The following HEPN1 variants were observed in gnomAD, a reference collection of about 807,000 sequenced individuals.
The protein encoded by HEPN1 is protein HEPN1.
For synonymous variants in HEPN1, 46 were observed against 41.2 expected (o/e 1.12, Z -0.45); for missense variants, 97 against 103.3 (o/e 0.94, Z 0.26).
chr11:124,919,529 C>T (rs1409893878), exon 1 of HEPN1: 1 of 583,502 alleles, frequency 1.7e-6, no homozygotes, highest in Non-Finnish European at 3.0e-6. Context: ...GCCTCTTCCA[C>T]CTTCTTGAGA....
exon 1 of HEPN1, chr11:124,919,404 G>A: frequency 7.5e-6 from 2 of 268,376 alleles, no homozygotes; most frequent in Non-Finnish European, 1.4e-5. Context: ...CTTAAGCCTG[G>A]CAAGCTGGCC....
chr11:124,919,835 T>C, exon 1 of HEPN1: 1 of 1,614,148 alleles, frequency 6.2e-7, no homozygotes, highest in African/African-American at 1.3e-5. Flanking sequence ...GCAAGGACCC[T>C]TGGAGGCATT....
chr11:124,920,144 C>T, exon 1 of HEPN1: 7 of 1,083,872 alleles, frequency 6.5e-6, no homozygotes, highest in South Asian at 4.7e-5. Context: ...GCCTCCTCCT[C>T]CCCCCACCAT....
chr11:124,919,784 G>C, exon 1 of HEPN1: 1 of 1,614,148 alleles, frequency 6.2e-7, no homozygotes. Flanking sequence ...TGCTCCATGG[G>C]TTGATGGCGA....
chr11:124,920,262 T>C (rs1947108909), exon 1 of HEPN1: 1 of 954,234 alleles, frequency 1.0e-6, no homozygotes, highest in Non-Finnish European at 1.6e-6. Context: ...AGGAGGAATA[T>C]ATGAGTTTGA....
chr11:124,920,498 T>C, exon 1 of HEPN1: 1 of 1,499,042 alleles, frequency 6.7e-7, no homozygotes, highest in Non-Finnish European at 9.0e-7. Flanking sequence ...AGGAATGTAC[T>C]CGTACCCTTC....
chr11:124,920,296 G>T, exon 1 of HEPN1: 1 of 1,155,170 alleles, frequency 8.7e-7, no homozygotes, highest in Non-Finnish European at 1.2e-6. Context: ...TTCCTCATTT[G>T]GTCTAGTTTT....
At chr11:124,919,800 A>T (rs1947098970) in exon 1 of HEPN1, 2 of 1,614,040 alleles carry the variant, frequency 1.2e-6, no homozygotes, top group Non-Finnish European at 1.7e-6. Context: ...GGCGAATCAG[A>T]GCTGGAGTTT....
chr11:124,919,760 T>C (rs375152348), exon 1 of HEPN1: 4 of 1,613,774 alleles, frequency 2.5e-6, no homozygotes, highest in South Asian at 1.1e-5. Context: ...GATGGGTAAC[T>C]GGGGCCTTGG....
chr11:124,920,296 G>C (rs1008819052), exon 1 of HEPN1: 22 of 1,155,060 alleles, frequency 1.9e-5, no homozygotes, highest in Middle Eastern at 3.9e-4. Flanking sequence ...TTCCTCATTT[G>C]GTCTAGTTTT....
exon 1 of HEPN1, chr11:124,920,310 G>T: frequency 1.5e-6 from 2 of 1,331,850 alleles, no homozygotes; most frequent in Non-Finnish European, 2.1e-6. Context: ...TAGTTTTCGG[G>T]CCAGGGGAGT....
chr11:124,919,506 T>G, exon 1 of HEPN1: 1 of 556,622 alleles, frequency 1.8e-6, no homozygotes, highest in South Asian at 2.3e-5. Flanking sequence ...GTACTCCTTA[T>G]CCAAGTCCTG....
At chr11:124,920,526 T>C in exon 1 of HEPN1, 1 of 1,435,142 alleles carries the variant, frequency 7.0e-7, no homozygotes, top group Non-Finnish European at 9.3e-7. Flanking sequence ...ACCTTGTAGG[T>C]CCCCAGGTAC....
chr11:124,919,917 C>T (rs1565336012), exon 1 of HEPN1: 2 of 1,614,070 alleles, frequency 1.2e-6, no homozygotes, highest in Non-Finnish European at 1.7e-6. Context: ...TCTCCTCACA[C>T]AGTAGATTAC....
At chr11:124,919,795 A>T (rs774682077) in exon 1 of HEPN1, 1 of 1,614,160 alleles carries the variant, frequency 6.2e-7, no homozygotes, top group Admixed American at 1.7e-5. Flanking sequence ...TTGATGGCGA[A>T]TCAGAGCTGG....
At chr11:124,919,718 G>A in exon 1 of HEPN1, 4 of 1,608,384 alleles carry the variant, frequency 2.5e-6, no homozygotes, top group Non-Finnish European at 2.5e-6. Context: ...GTGCCTTTGG[G>A]GCTGAGACAA....
At chr11:124,920,403 C>T (rs1335511584) in exon 1 of HEPN1, 3 of 1,548,250 alleles carry the variant, frequency 1.9e-6, no homozygotes, top group Admixed American at 2.0e-5. Flanking sequence ...CTTGGCATGG[C>T]ATGCCTCCGA....
At chr11:124,920,143 TCCC>T in exon 1 of HEPN1, 1 of 1,095,900 alleles carries the variant, frequency 9.1e-7, no homozygotes, top group Non-Finnish European at 1.3e-6. Context: ...AGCCTCCTCC[TCCC>T]CCCACCATTT....
chr11:124,920,193 A>C, exon 1 of HEPN1: 1 of 885,902 alleles, frequency 1.1e-6, no homozygotes, highest in Non-Finnish European at 1.7e-6. Context: ...AGCTGGAGGA[A>C]GCTCAACAAC....
Sources: gnomAD v4.1 joint callset for allele counts on GRCh38, gnomAD v4.1.1 for gene constraint, MANE v1.5 for transcripts, NCBI Gene and HGNC (gene_info 2026-07-23, HGNC 2026-07-21) for gene names.